Variants in LMTK3 observed in about 807,000 individuals in gnomAD.
LMTK3 encodes the protein lemur tail kinase 3, also known as serine/threonine-protein kinase LMTK3.
Under a neutral mutation model 116.7 loss-of-function variants are expected in LMTK3, and 27 were observed. The observed-to-expected ratio is 0.23, with a 90% CI of 0.17 to 0.32. The LOEUF (loss-of-function observed/expected upper bound fraction) is 0.32. LMTK3 is among the 10% of genes least tolerant of loss of function. LMTK3 has a pLI of 1.00. For missense variants in LMTK3, 1,764 were observed against 2,068.5 expected (o/e 0.85, Z 2.86); for synonymous variants, 965 against 971.0 (o/e 0.99, Z 0.11).
chr19:48,498,444 C>T lies in LMTK3; in HGVS notation c.2625G>A (p.Leu875=), dbSNP rs1972378709. The change falls in exon 11 of 15, where the codon CTG becomes CTA. Residue 875 remains leucine, a synonymous_variant. Transcript: ENST00000600059. Reference sequence around the variant, plus strand: ...CCCGGGCTGTCGCCCCCTTCTCCCCCAGGAGGTTCCTTGTCACATCCTCCC... The same window carrying T: ...CCCGGGCTGTCGCCCCCTTCTCCCCTAGGAGGTTCCTTGTCACATCCTCCC... ...SLREDVTRNL[L]GEKGATARET... The T allele has an allele frequency of 6.2e-7, 1 of 1,604,968 alleles. No homozygotes were observed. The highest frequency in any genetic ancestry group is 8.5e-7 in the Non-Finnish European group (1 of 1,175,860).
In LMTK3 at chr19:48,505,939, G is replaced by A. The variant is rs1376332414; in HGVS notation, c.557+2912C>T. The stretch of plus-strand genomic sequence containing the variant: ...GTGAATCACCTGAGGTCAGGAGTTC[G>A]AGACCAGCCTGGCCAACATGGTGAA... On this transcript the variant is annotated intron_variant, in intron 5 of 14. Coordinates refer to ENST00000600059, the MANE Select transcript of LMTK3 (RefSeq NM_001388485.1). Among the ~76,000 whole-genome samples, 5 of 151,016 alleles carry A rather than the reference G, an allele frequency of 3.3e-5. No individual in the cohort carries two copies. The East Asian group carries it at 7.8e-4, about 23-fold the overall frequency.
rs1277140915 is a variant in LMTK3 at position 48,497,355 on chromosome 19, C to G, written c.3676+38G>C. ...ACCCTCCGCACGCCTCGGAAACAGC[C>G]GGACCTCAGCCCTGACTGTGCCCCG... On this transcript the variant is annotated intron_variant, in intron 11 of 14. Coordinates refer to ENST00000600059, the MANE Select transcript of LMTK3 (RefSeq NM_001388485.1). The surrounding 1 kb of genome is among the most constrained non-coding windows in gnomAD (Gnocchi z 5.7). The G allele has an allele frequency of 2.1e-6, 3 of 1,425,726 alleles. No homozygotes were observed. The highest frequency in any genetic ancestry group is 1.5e-5 in the African/African-American group (1 of 67,118). The allele number at this position is 1,425,726 out of a possible 1,614,324, so 88.3% of individuals were successfully genotyped here.
intron 12 of LMTK3, among the ~76,000 whole-genome samples, chr19:48,492,016 G>A (rs1277420621): frequency 1.4e-5 from 2 of 145,392 alleles, no homozygotes; most frequent in Admixed American, 6.8e-5. Context: ...ACCTGCTCCC[G>A]CCCTCCAAGT....
Position 48,510,148 on chromosome 19 carries a change from T to C in LMTK3, c.236A>G (p.Asp79Gly), listed in dbSNP as rs1601059706. The stretch of plus-strand genomic sequence containing the variant: ...AGGGGGAGTGTACTCCCCGGAGCAG[T>C]CCTCCCCTTCAGGGTTCTCAAATTC... ...FKEFENPEGEDCSGEYTPPAE... is the reference protein window; with the variant it reads ...FKEFENPEGEGCSGEYTPPAE... The change falls in exon 3 of 15, where the codon GAC becomes GGC. Residue 79 changes from aspartate (D) to glycine (G), a missense_variant. Asp to Gly is a moderately conservative substitution (Grantham distance 94, BLOSUM62 -1). Around this residue, in one of 7 missense-constraint regions of LMTK3, gnomAD observed 271 missense variants for 478.2 expected, o/e 0.57. Coordinates refer to ENST00000600059, the MANE Select transcript of LMTK3 (RefSeq NM_001388485.1). 2 of 1,613,204 alleles carry C rather than the reference T, an allele frequency of 1.2e-6. No homozygotes were observed. The highest frequency in any genetic ancestry group is 1.7e-6 in the Non-Finnish European group (2 of 1,179,550).
chr19:48,493,580 C>T (rs559865158), intron 12 of LMTK3, 114 bp downstream of exon 12: 3 of 1,299,894 alleles, frequency 2.3e-6, no homozygotes, highest in Admixed American at 3.1e-5. Flanking sequence ...AGCTCCGCCT[C>T]CCTCCAGGCC....
At position 48,498,417 on chromosome 19, in the gene LMTK3, C is replaced by G; in HGVS notation, c.2652G>C (p.Glu884Asp). The change falls in exon 11 of 15, where the codon GAG (glutamate) becomes GAC (aspartate). Residue 884 changes from glutamate (E) to aspartate (D), a missense_variant. Glu to Asp is a conservative substitution (Grantham distance 45). Coordinates refer to ENST00000600059, the MANE Select transcript of LMTK3 (RefSeq NM_001388485.1). ...CTCTCCCCGCCTTCCTGGGTCCTGT[C>G]TCCCGGGCTGTCGCCCCCTTCTCCC... is the stretch of plus-strand genomic sequence containing the variant. The part of the protein sequence containing the change: ...LLGEKGATAR[E>D]TGPRKAGRGP... 1.2e-6 allele frequency: 2 copies of G among 1,608,982 alleles called. No homozygotes were observed. Among genetic ancestry groups the G allele is most frequent in the Non-Finnish European group, 8.5e-7 (1 of 1,177,848 alleles).
chr19:48,495,499 G>T (rs955053894), intron 11 of LMTK3, among the ~76,000 whole-genome samples: 6 of 152,164 alleles, frequency 3.9e-5, no homozygotes, highest in African/African-American at 1.4e-4. Flanking sequence ...ATCCTCTGAC[G>T]CATCTTAGCT....
At chr19:48,489,222 CGCA>C (rs1972178419) in intron 14 of LMTK3, among the ~76,000 whole-genome samples, 1 of 152,122 alleles carries the variant, frequency 6.6e-6, no homozygotes, top group Admixed American at 6.5e-5. Flanking sequence ...GGCGCCTGCA[CGCA>C]GAAGATGATC....
At chr19:48,504,275 C>G (rs1190563942) in intron 5 of LMTK3, among the ~76,000 whole-genome samples, 1 of 152,214 alleles carries the variant, frequency 6.6e-6, no homozygotes. Flanking sequence ...TTGCTGCCCC[C>G]CCAATGCCAG....
rs752589581 is a variant in LMTK3 at position 48,501,458 on chromosome 19, C to T, written c.879+20G>A. 3 of 1,612,650 alleles carry T rather than the reference C, an allele frequency of 1.9e-6. 1 individual carries two copies. The South Asian group carries it at 3.3e-5, about 18-fold the overall frequency. On this transcript the variant is annotated intron_variant, in intron 8 of 14. Transcript: ENST00000600059. Reference sequence around the variant, plus strand: ...GTCAGGGCACCCCACAGCCCCCATCCCGACGGAAGGAAGCCCTACCTTGTA... The same window carrying T: ...GTCAGGGCACCCCACAGCCCCCATCTCGACGGAAGGAAGCCCTACCTTGTA...
intron 4 of LMTK3, 59 bp downstream of exon 4, chr19:48,509,378 A>T: frequency 6.7e-7 from 1 of 1,485,728 alleles, no homozygotes; most frequent in Non-Finnish European, 9.2e-7. Context: ...GTGTGGACAC[A>T]GAACAGGAGG....
chr19:48,501,206 A>G, intron 9 of LMTK3, 61 bp from the exon 10 acceptor site: 4 of 1,605,236 alleles, frequency 2.5e-6, no homozygotes, highest in Non-Finnish European at 3.4e-6. Context: ...CATTTTCCCC[A>G]TCTGTAGAAC....
intron 5 of LMTK3, 33 bp from the exon 6 acceptor site, chr19:48,503,029 G>GGGCTGCCTTCC: frequency 2.9e-6 from 4 of 1,374,216 alleles, no homozygotes; most frequent in Non-Finnish European, 4.1e-6. Flanking sequence ...AGTTGGGAAG[G>GGGCTGCCTTCC]CAGCCCCTTC....
chr19:48,493,061 C>T (rs1200755117), intron 12 of LMTK3, among the ~76,000 whole-genome samples: 1 of 152,102 alleles, frequency 6.6e-6, no homozygotes, highest in East Asian at 1.9e-4. Context: ...CCATCCGCCC[C>T]GCCCTAGGCT....
intron 12 of LMTK3, among the ~76,000 whole-genome samples, chr19:48,492,087 C>A (rs1049717696): frequency 7.2e-5 from 11 of 152,186 alleles, no homozygotes; most frequent in Admixed American, 2.0e-4. Flanking sequence ...GTTTCCATTC[C>A]TTTCATAATC....
intron 14 of LMTK3, among the ~76,000 whole-genome samples, chr19:48,486,698 C>T (rs1206288918): frequency 5.3e-5 from 8 of 151,960 alleles, no homozygotes; most frequent in Middle Eastern, 6.8e-3. Context: ...CGACTACGCC[C>T]GGCTAATTTT....
intron 7 of LMTK3, 68 bp downstream of exon 7, chr19:48,502,365 C>A: frequency 1.3e-6 from 2 of 1,529,904 alleles, no homozygotes; most frequent in Non-Finnish European, 1.8e-6. Flanking sequence ...TCTAGCCCCT[C>A]CCCTGAGGCC....
intron 14 of LMTK3, among the ~76,000 whole-genome samples, chr19:48,490,009 G>GAA (rs1972195066): frequency 6.6e-6 from 1 of 152,078 alleles, no homozygotes; most frequent in African/African-American, 2.4e-5. Flanking sequence ...TGCTCTCCCA[G>GAA]AGTGGCCTTA....
In LMTK3 at chr19:48,499,234, G is replaced by A. The variant is rs1255599373; in HGVS notation, c.1835C>T (p.Pro612Leu). The stretch of plus-strand genomic sequence containing the variant: ...GGTCTCCCCGGCGCCCCGGCCCTCG[G>A]GGTCCCAGCCGCTCAGCAGGAAGCT... ...SGSFLLSGWD[P>L]EGRGAGETLA... Residue 612 changes from proline (P) to leucine (L), a missense_variant, in exon 11 of 15, where the codon CCC (proline) becomes CTC (leucine). Physicochemically the swap from Pro to Leu is moderately conservative, Grantham distance 98 (BLOSUM62 -3). Coordinates refer to ENST00000600059, the MANE Select transcript of LMTK3 (RefSeq NM_001388485.1). 10 of 1,380,418 alleles carry A rather than the reference G, an allele frequency of 7.2e-6. No individual in the cohort carries two copies. Among genetic ancestry groups the A allele is most frequent in the Middle Eastern group, 2.0e-4 (1 of 5,002 alleles). 85.5% of individuals were successfully genotyped at this position (1,380,418 alleles called of 1,614,324 possible). A position where few individuals can be genotyped will look rare whatever the true frequency, so the allele number is the denominator to read the frequency against.
Sources: allele counts gnomAD v4.1 joint callset (sites outside exome capture counted in the v4.1 genomes callset), GRCh38; gene constraint gnomAD v4.1.1; regional missense constraint gnomAD v4.1.1; non-coding constraint Gnocchi (gnomAD v3.1); transcripts MANE v1.5; gene names NCBI Gene and HGNC (gene_info 2026-07-23, HGNC 2026-07-21).